The following TSC22D2 variants were observed in gnomAD, a reference collection of about 807,000 sequenced individuals.
TSC22D2 encodes the protein TSC22 domain family member 2.
A neutral mutation model predicts 50.1 loss-of-function variants in TSC22D2; 5 were observed. The observed-to-expected ratio is 0.10, with a 90% confidence interval of 0.05 to 0.21. The LOEUF is 0.21. Among genes scored for constraint, TSC22D2 ranks in the 10% least tolerant of loss-of-function variants. The pLI, the probability that TSC22D2 is intolerant of heterozygous loss-of-function variation, is 1.00. For synonymous variants in TSC22D2, 501 were observed against 450.1 expected (o/e 1.11, Z -1.43); for missense variants, 1,003 against 1,015.5 (o/e 0.99, Z 0.17).
intron 1 of TSC22D2, chr3:150,423,012 C>A (rs764253270): frequency 3.6e-5 from 55 of 1,537,678 alleles, no homozygotes; most frequent in Non-Finnish European, 4.9e-5. Flanking sequence ...ACTGTACGTT[C>A]TCAACCTCAT....
Position 150,409,154 on chromosome 3 carries a change from C to G in TSC22D2, c.-197C>G, listed in dbSNP as rs1019365605. 1.8e-6 allele frequency: 1 copy of G among 542,988 alleles called. No homozygotes were observed. Among genetic ancestry groups the G allele is most frequent in the Non-Finnish European group, 3.2e-6 (1 of 310,720 alleles). The allele number at this position is 542,988 out of a possible 1,614,324, so 33.6% of individuals were successfully genotyped here. ...GGGGGCAGAGCCGAAGAGACCGACA[C>G]AGAGAAGGAAACGAGGAGGAGGATG... On this transcript the variant is annotated 5_prime_UTR_variant, in exon 1 of 3. Coordinates refer to ENST00000688009, the MANE Select transcript of TSC22D2 (RefSeq NM_001303264.2). This position sits in a 1 kb window ranked among gnomAD's most constrained non-coding sequence, Gnocchi z 7.4.
Position 150,454,602 on chromosome 3 carries a change from C to T in TSC22D2, c.1959-2474C>T, listed in dbSNP as rs552125776. 6.6e-5 allele frequency among the ~76,000 whole-genome samples: 10 copies of T among 152,218 alleles called. No homozygotes were observed. The South Asian group carries it at 2.1e-3, about 32-fold the overall frequency. On this transcript the variant is annotated intron_variant, in intron 1 of 2. Coordinates refer to ENST00000688009, the MANE Select transcript of TSC22D2 (RefSeq NM_001303264.2). ...AACTCTGAGTGGGGGAGCCCAGCAA[C>T]CTGAGTTTTAACAAGACCTCCAGAT... is the stretch of plus-strand genomic sequence containing the variant.
rs34647320 is a variant in TSC22D2, at chr3:150,411,207, T to G, written c.1857T>G (p.Pro619=). ...AAAATAAGCCTGTTGTGAAGCCGCC[T>G]GTTGCAGATTCCCTGGCAAACCCCC... ...IAENKPVVKP[P]VADSLANPLQ... is the part of the protein sequence containing the mutation. Residue 619 remains proline (P), a synonymous_variant, in exon 1 of 3, where the codon CCT becomes CCG. Coordinates refer to ENST00000688009, the MANE Select transcript of TSC22D2 (RefSeq NM_001303264.2). 291,634 of 1,614,042 alleles carry G rather than the reference T, an allele frequency of 0.18. 29,099 individuals carry two copies. The highest frequency in any genetic ancestry group is 0.21 in the Non-Finnish European group (248,812 of 1,179,976).
chr3:150,455,337 C>T (rs1233443588), intron 1 of TSC22D2, among the ~76,000 whole-genome samples: 4 of 152,130 alleles, frequency 2.6e-5, no homozygotes, highest in Admixed American at 2.6e-4. Context: ...TTGCACAGCT[C>T]ACTAAAAGCA....
At chr3:150,449,225 T>C (rs1167149491) in intron 1 of TSC22D2, among the ~76,000 whole-genome samples, 1 of 152,202 alleles carries the variant, frequency 6.6e-6, no homozygotes, top group East Asian at 1.9e-4. Context: ...CCTTTCTCCC[T>C]TTCCTATTTT....
chr3:150,456,724 A>C (rs1576560194), intron 1 of TSC22D2, among the ~76,000 whole-genome samples: 2 of 152,232 alleles, frequency 1.3e-5, no homozygotes, highest in African/African-American at 4.8e-5. Flanking sequence ...TGGTTAATGT[A>C]GAAATTTAAG....
In TSC22D2 at chr3:150,458,599, C is replaced by T. The variant is rs375564733; in HGVS notation, c.2234C>T (p.Thr745Met). The T allele has an allele frequency of 2.3e-5, 37 of 1,614,018 alleles. No individual in the cohort carries two copies. The highest frequency in any genetic ancestry group is 1.6e-4 in the Middle Eastern group (1 of 6,082). Residue 745 changes from threonine to methionine, a missense_variant, in exon 3 of 3, where the codon ACG becomes ATG. Physicochemically the swap from Thr to Met is moderately conservative, Grantham distance 81. Around this residue, in one of 6 missense-constraint regions of TSC22D2, gnomAD observed 54 missense variants for 51.4 expected, o/e 1.05. Transcript: ENST00000688009. Reference sequence around the variant, plus strand: ...GTGATAGCACAGCCTCCGCAGCCAACGCAACCTCCACAGCAGCCGAATGTC... The same window carrying T: ...GTGATAGCACAGCCTCCGCAGCCAATGCAACCTCCACAGCAGCCGAATGTC... ...QAVIAQPPQP[T>M]QPPQQPNVSS...
At chr3:150,432,978 G>A (rs1020465278) in intron 1 of TSC22D2, among the ~76,000 whole-genome samples, 13 of 152,082 alleles carry the variant, frequency 8.5e-5, no homozygotes, top group African/African-American at 3.1e-4. Context: ...AAATTTTTGT[G>A]ATTGATACAG....
intron 1 of TSC22D2, among the ~76,000 whole-genome samples, chr3:150,434,190 C>T (rs1576549695): frequency 6.6e-6 from 1 of 151,376 alleles, no homozygotes. Context: ...GCTCTGTCAC[C>T]CAGGCTGGAA....
chr3:150,427,080 A>G (rs373726919), intron 1 of TSC22D2, among the ~76,000 whole-genome samples: 2 of 152,112 alleles, frequency 1.3e-5, no homozygotes, highest in African/African-American at 4.8e-5. Flanking sequence ...GCTCATCTCT[A>G]AGAATCTTGG....
chr3:150,462,224 G>T lies in TSC22D2; in HGVS notation c.*3588G>T, dbSNP rs1721437044. 1 of 152,136 alleles carries T rather than the reference G, an allele frequency of 6.6e-6. No homozygotes were observed. The highest frequency in any genetic ancestry group is 2.4e-5 in the African/African-American group (1 of 41,410). The allele number at this position is 152,136 out of a possible 1,614,324, so 9.4% of individuals were successfully genotyped here. A position where few individuals can be genotyped will look rare whatever the true frequency, so the allele number is the denominator to read the frequency against. On this transcript the variant is annotated 3_prime_UTR_variant, in exon 3 of 3. Transcript: ENST00000688009. ...AGGGTGTTCCAAGCACAAGAAAAGA[G>T]AACTCAATGGCTTAAAAGTATAAAC...
intron 1 of TSC22D2, among the ~76,000 whole-genome samples, chr3:150,414,716 C>T (rs776230432): frequency 9.2e-5 from 14 of 151,850 alleles, no homozygotes; most frequent in Non-Finnish European, 1.6e-4. Context: ...ATATTTTAAA[C>T]CAAATTCTGC....
chr3:150,419,399 T>G (rs899937933), intron 1 of TSC22D2, among the ~76,000 whole-genome samples: 6 of 152,122 alleles, frequency 3.9e-5, no homozygotes, highest in Admixed American at 3.9e-4. Context: ...TTGTAACCCT[T>G]TACCTAAAGG....
chr3:150,420,338 C>G (rs1719964272), intron 1 of TSC22D2, among the ~76,000 whole-genome samples: 1 of 152,118 alleles, frequency 6.6e-6, no homozygotes, highest in Admixed American at 6.5e-5. Context: ...TTATAGTATC[C>G]CAGAAACAAA....
chr3:150,425,177 T>A (rs1043043895), intron 1 of TSC22D2, among the ~76,000 whole-genome samples: 7 of 152,180 alleles, frequency 4.6e-5, no homozygotes, highest in African/African-American at 1.4e-4. Context: ...ATTTTTTTTT[T>A]ATTTTACTAC....
In TSC22D2 at chr3:150,409,160, A is replaced by G; in HGVS notation, c.-191A>G. 1 of 547,090 alleles carries G rather than the reference A, an allele frequency of 1.8e-6. No homozygotes were observed. Among genetic ancestry groups the G allele is most frequent in the Non-Finnish European group, 3.2e-6 (1 of 314,090 alleles). The allele number at this position is 547,090 out of a possible 1,614,324, so 33.9% of individuals were successfully genotyped here. A position where few individuals can be genotyped will look rare whatever the true frequency, so the allele number is the denominator to read the frequency against. On this transcript the variant is annotated 5_prime_UTR_variant, in exon 1 of 3. Coordinates refer to ENST00000688009, the MANE Select transcript of TSC22D2 (RefSeq NM_001303264.2). The surrounding 1 kb of genome is among the most constrained non-coding windows in gnomAD (Gnocchi z 7.4). ...AGAGCCGAAGAGACCGACACAGAGA[A>G]GGAAACGAGGAGGAGGATGTCTCAC... is the stretch of plus-strand genomic sequence containing the variant.
At position 150,461,401 on chromosome 3, in the gene TSC22D2, C is replaced by G. The variant is rs531744746; in HGVS notation, c.*2765C>G. The G allele has an allele frequency of 6.6e-6, 1 of 152,304 alleles. No individual in the cohort carries two copies. Among genetic ancestry groups the G allele is most frequent in the South Asian group, 2.1e-4 (1 of 4,822 alleles). The allele number at this position is 152,304 out of a possible 1,614,324, so 9.4% of individuals were successfully genotyped here. ...ACTGATTGAGATCCCAATTTGGAGG[C>G]ACAGTCTTACAGGAATGCCATCTAT... is the stretch of plus-strand genomic sequence containing the variant. On this transcript the variant is annotated 3_prime_UTR_variant, in exon 3 of 3. Transcript: ENST00000688009.
chr3:150,459,572 G>GTTTTTTTTTTTTGTTTTTTTTTTTTT lies in TSC22D2; in HGVS notation c.*948_*949insGTTTTTTTTTTTTTTTTTTTTTTTTT. ...TAATGGAGTTTGGTTTTTTTTTGTT[G>GTTTTTTTTTTTTGTTTTTTTTTTTTT]TTTTTTTTTTTTTGTCTTTTTTTTT... On this transcript the variant is annotated 3_prime_UTR_variant, in exon 3 of 3. Coordinates refer to ENST00000688009, the MANE Select transcript of TSC22D2 (RefSeq NM_001303264.2). 8.7e-6 allele frequency: 1 copy of GTTTTTTTTTTTTGTTTTTTTTTTTTT among 115,552 alleles called. No individual in the cohort carries two copies. The highest frequency in any genetic ancestry group is 1.8e-5 in the Non-Finnish European group (1 of 55,824). The allele number at this position is 115,552 out of a possible 1,614,324, so 7.2% of individuals were successfully genotyped here.
In TSC22D2 at chr3:150,409,162, G is replaced by A; in HGVS notation, c.-189G>A. 3.6e-6 allele frequency: 2 copies of A among 558,088 alleles called. No individual in the cohort carries two copies. The highest frequency in any genetic ancestry group is 6.2e-6 in the Non-Finnish European group (2 of 321,664). The allele number at this position is 558,088 out of a possible 1,614,324, so 34.6% of individuals were successfully genotyped here. On this transcript the variant is annotated 5_prime_UTR_variant, in exon 1 of 3. Coordinates refer to ENST00000688009, the MANE Select transcript of TSC22D2 (RefSeq NM_001303264.2). This position sits in a 1 kb window ranked among gnomAD's most constrained non-coding sequence, Gnocchi z 7.4. ...AGCCGAAGAGACCGACACAGAGAAGGAAACGAGGAGGAGGATGTCTCACCG... is the reference window on the plus strand; with the variant it reads ...AGCCGAAGAGACCGACACAGAGAAGAAAACGAGGAGGAGGATGTCTCACCG...
Sources: allele counts gnomAD v4.1 joint callset (sites outside exome capture counted in the v4.1 genomes callset), GRCh38; gene constraint gnomAD v4.1.1; regional missense constraint gnomAD v4.1.1; non-coding constraint Gnocchi (gnomAD v3.1); transcripts MANE v1.5; gene names NCBI Gene and HGNC (gene_info 2026-07-23, HGNC 2026-07-21).